Variants in AGBL4 observed in about 807,000 individuals in gnomAD.
AGBL4 encodes AGBL carboxypeptidase 4, also known as cytosolic carboxypeptidase 6.
AGBL4 carries 58 observed loss-of-function variants against 66.4 expected under a neutral mutation model. The ratio of observed to expected loss-of-function variants is 0.87; its 90% CI spans 0.71 to 1.09. The LOEUF (loss-of-function observed/expected upper bound fraction) is 1.09, where lower values mean the gene tolerates loss of function less well. Among genes scored for constraint, AGBL4 ranks in the 50% least tolerant of loss-of-function variants. The probability of loss-of-function intolerance (pLI) is 0.00; values close to 1 mark genes in which losing one functional copy is unlikely to be tolerated. For synonymous variants in AGBL4, 234 were observed against 222.9 expected, an observed-to-expected ratio of 1.05 and a Z score of -0.44; for missense variants, 579 against 631.0, an observed-to-expected ratio of 0.92 and a Z score of 0.88.
At chr1:49,085,911 G>T (rs1399289794) in intron 4 of AGBL4, among the ~76,000 whole-genome samples, 1 of 152,084 alleles carries the variant, frequency 6.6e-6, no homozygotes, top group Non-Finnish European at 1.5e-5. Flanking sequence ...ACATGTTTTG[G>T]GCCCCAGAGC....
intron 4 of AGBL4, among the ~76,000 whole-genome samples, chr1:49,142,527 G>C (rs1482392548): frequency 1.3e-5 from 2 of 152,140 alleles, no homozygotes; most frequent in Admixed American, 1.3e-4. Flanking sequence ...AGAGTAGTAG[G>C]AGAATGACTT....
In AGBL4 at chr1:49,855,486, C is replaced by G. The variant is rs868524921; in HGVS notation, c.35-3968G>C. Among the ~76,000 whole-genome samples, 8 of 152,114 alleles carry G rather than the reference C, an allele frequency of 5.3e-5. No homozygotes were observed. The South Asian group carries it at 6.2e-4, about 12-fold the overall frequency. On this transcript the variant is annotated intron_variant, in intron 1 of 13. Transcript: ENST00000371839. ...TCAGCACATGGAACAGTTTCATGGACAGATCATATGTTCGGTCACAAAACA... is the reference window on the plus strand; with the variant it reads ...TCAGCACATGGAACAGTTTCATGGAGAGATCATATGTTCGGTCACAAAACA...
chr1:48,947,035 C>T (rs1656572107), intron 5 of AGBL4, among the ~76,000 whole-genome samples: 1 of 152,194 alleles, frequency 6.6e-6, no homozygotes, highest in South Asian at 2.1e-4. Flanking sequence ...ATTCTTCCAC[C>T]ATACTGTGTT....
chr1:49,452,087 G>A (rs1031159207), intron 3 of AGBL4, among the ~76,000 whole-genome samples: 6 of 151,646 alleles, frequency 4.0e-5, no homozygotes, highest in Non-Finnish European at 7.4e-5. Context: ...CTATCTAATT[G>A]TATACCCTCT....
chr1:49,349,427 TCTC>T (rs1645703682), intron 3 of AGBL4, among the ~76,000 whole-genome samples: 1 of 152,136 alleles, frequency 6.6e-6, no homozygotes, highest in Admixed American at 6.6e-5. Flanking sequence ...CCTCCCTTGT[TCTC>T]CTCCTTCTCT....
At chr1:48,889,216 T>G (rs565312239) in intron 5 of AGBL4, among the ~76,000 whole-genome samples, 1 of 152,328 alleles carries the variant, frequency 6.6e-6, no homozygotes, top group South Asian at 2.1e-4. Context: ...CAAGGCACAA[T>G]GACTGTGTTC....
At chr1:49,373,588 A>G (rs747275762) in intron 3 of AGBL4, among the ~76,000 whole-genome samples, 12 of 152,298 alleles carry the variant, frequency 7.9e-5, no homozygotes, top group Non-Finnish European at 1.5e-4. Flanking sequence ...ATAGTACAAA[A>G]CAGTTCAAAA....
At chr1:48,838,058 G>T (rs1646723940) in intron 6 of AGBL4, among the ~76,000 whole-genome samples, 1 of 151,882 alleles carries the variant, frequency 6.6e-6, no homozygotes, top group Admixed American at 6.6e-5. Flanking sequence ...GCAAGAGGGG[G>T]ATTGGTAGCA....
chr1:49,682,277 A>G (rs1646709437), intron 3 of AGBL4, among the ~76,000 whole-genome samples: 1 of 152,056 alleles, frequency 6.6e-6, no homozygotes, highest in South Asian at 2.1e-4. Context: ...GTGGTGGCAC[A>G]CGCTTGTAGT....
intron 3 of AGBL4, among the ~76,000 whole-genome samples, chr1:49,637,735 C>A (rs920763931): frequency 6.6e-6 from 1 of 151,788 alleles, no homozygotes; most frequent in Non-Finnish European, 1.5e-5. Flanking sequence ...CTTTCTAAAC[C>A]TAATAGCAAC....
At chr1:48,747,086 CT>C (rs1650887508) in intron 6 of AGBL4, among the ~76,000 whole-genome samples, 1 of 152,168 alleles carries the variant, frequency 6.6e-6, no homozygotes, top group Non-Finnish European at 1.5e-5. Context: ...TGCTGTTTTG[CT>C]TTTAAAAAAT....
At chr1:49,740,107 A>G (rs954459569) in intron 2 of AGBL4, among the ~76,000 whole-genome samples, 36 of 152,224 alleles carry the variant, frequency 2.4e-4, no homozygotes, top group African/African-American at 7.2e-4. Flanking sequence ...AGACTGGCAA[A>G]TTGGATAAAG....
intron 3 of AGBL4, among the ~76,000 whole-genome samples, chr1:49,299,385 A>G (rs1644702979): frequency 6.6e-6 from 1 of 152,168 alleles, no homozygotes; most frequent in Non-Finnish European, 1.5e-5. Flanking sequence ...CTTAAACATT[A>G]CTACTGTAGA....
intron 8 of AGBL4, 67 bp downstream of exon 8, chr1:48,653,270 T>G: frequency 7.8e-7 from 1 of 1,275,444 alleles, no homozygotes; most frequent in Non-Finnish European, 1.1e-6. Context: ...ATATCCCGTA[T>G]TTTTTCTTGC....
chr1:49,415,932 TATAGGAC>T (rs1437236635), intron 3 of AGBL4, among the ~76,000 whole-genome samples: 1 of 151,992 alleles, frequency 6.6e-6, no homozygotes, highest in Non-Finnish European at 1.5e-5. Context: ...ATAAAGAGCT[TATAGGAC>T]ATGCAGAAAC....
rs111798840 is a variant in AGBL4 at position 48,713,055 on chromosome 1, G to A, written c.635-49814C>T. The stretch of plus-strand genomic sequence containing the variant: ...CCACTAGACAGGGATGCTTGGTACC[G>A]TCAACTGATGCCCACACAGTGCTGG... On this transcript the variant is annotated intron_variant, in intron 6 of 13. Transcript: ENST00000371839. Among the ~76,000 whole-genome samples, 312 of 152,308 alleles carry A rather than the reference G, an allele frequency of 2.0e-3. 2 individuals are homozygous for A. The highest frequency in any genetic ancestry group is 7.2e-3 in the African/African-American group (298 of 41,570).
chr1:48,698,259 T>C lies in AGBL4; in HGVS notation c.635-35018A>G, dbSNP rs534285095. Among the ~76,000 whole-genome samples, 7 of 152,046 alleles carry C rather than the reference T, an allele frequency of 4.6e-5. No individual in the cohort carries two copies. The South Asian group carries it at 1.3e-3, about 27-fold the overall frequency. On this transcript the variant is annotated intron_variant, in intron 6 of 13. Coordinates refer to ENST00000371839, the MANE Select transcript of AGBL4 (RefSeq NM_032785.4). ...GTGGGATGCAGGGTGCAGGGAAGCATAGAGAAGCAGCAAAGAGGCTGGAGT... is the reference window on the plus strand; with the variant it reads ...GTGGGATGCAGGGTGCAGGGAAGCACAGAGAAGCAGCAAAGAGGCTGGAGT...
intron 6 of AGBL4, among the ~76,000 whole-genome samples, chr1:48,767,308 A>G (rs1644578729): frequency 2.0e-5 from 3 of 152,244 alleles, no homozygotes; most frequent in Admixed American, 6.5e-5. Flanking sequence ...CACCAAGCAC[A>G]GTGCCTTTCT....
intron 6 of AGBL4, among the ~76,000 whole-genome samples, chr1:48,766,628 C>T (rs1286214522): frequency 7.2e-5 from 11 of 152,272 alleles, no homozygotes; most frequent in African/African-American, 2.6e-4. Flanking sequence ...GGAATGAGTT[C>T]AGGAAAGGGA....
Sources: allele counts gnomAD v4.1 joint callset (sites outside exome capture counted in the v4.1 genomes callset), GRCh38; gene constraint gnomAD v4.1.1; transcripts MANE v1.5; gene names NCBI Gene and HGNC (gene_info 2026-07-23, HGNC 2026-07-21).